The following DAB1 variants were observed in gnomAD, a reference collection of about 807,000 sequenced individuals.
DAB1 encodes the protein disabled homolog 1.
Under a neutral mutation model 64.6 loss-of-function variants are expected in DAB1, and 15 were observed. That is an observed-to-expected ratio of 0.23 (90% CI 0.16 to 0.36). The LOEUF (loss-of-function observed/expected upper bound fraction) is 0.36, where lower values mean the gene tolerates loss of function less well. DAB1 is among the 10% of genes least tolerant of loss of function. The probability of loss-of-function intolerance (pLI) is 1.00; values close to 1 mark genes in which losing one functional copy is unlikely to be tolerated. For missense variants in DAB1, 596 were observed against 706.7 expected (o/e 0.84, Z 1.78); for synonymous variants, 235 against 251.9 (o/e 0.93, Z 0.64).
At chr1:57,220,313 A>C (rs1381844122) in intron 2 of DAB1, among the ~76,000 whole-genome samples, 1 of 152,178 alleles carries the variant, frequency 6.6e-6, no homozygotes, top group African/African-American at 2.4e-5. Context: ...CTGAGCTAAA[A>C]TCATTCAGCT....
intron 4 of DAB1, among the ~76,000 whole-genome samples, chr1:58,155,059 G>C (rs1441085793): frequency 6.6e-6 from 1 of 152,162 alleles, no homozygotes; most frequent in Non-Finnish European, 1.5e-5. Context: ...ACTCAGCCAA[G>C]GGCTGGTGTC....
intron 1 of DAB1, chr1:57,873,849 A>ACAT (rs1643996468): frequency 6.6e-6 from 1 of 152,194 alleles, no homozygotes; most frequent in African/African-American, 2.4e-5. Flanking sequence ...TGTATATAAT[A>ACAT]GTATTTGCTA....
intron 1 of DAB1, among the ~76,000 whole-genome samples, chr1:57,422,313 C>T (rs79906980): frequency 0.11 from 16,751 of 152,206 alleles, 1,128 homozygotes; most frequent in Non-Finnish European, 0.16. Context: ...ATTCTCGCCC[C>T]GGTCCCCGCC....
At chr1:57,135,681 C>A (rs1474651888) in intron 4 of DAB1, among the ~76,000 whole-genome samples, 1 of 152,114 alleles carries the variant, frequency 6.6e-6, no homozygotes, top group East Asian at 1.9e-4. Context: ...CTTATGTTAT[C>A]TTCATACTAG....
At chr1:58,185,502 C>G (rs898909709) in intron 4 of DAB1, among the ~76,000 whole-genome samples, 3 of 152,204 alleles carry the variant, frequency 2.0e-5, no homozygotes. Flanking sequence ...GATTGGACAT[C>G]TGGGCTGGCT....
chr1:58,394,135 G>A (rs1259305012), intron 3 of DAB1, among the ~76,000 whole-genome samples: 3 of 149,562 alleles, frequency 2.0e-5, no homozygotes, highest in Non-Finnish European at 2.9e-5. Flanking sequence ...AATATCATTA[G>A]TCATAGAAGA....
At chr1:58,347,095 TTTTGTTTTG>T (rs760164591) in intron 3 of DAB1, among the ~76,000 whole-genome samples, 12 of 151,764 alleles carry the variant, frequency 7.9e-5, no homozygotes, top group Admixed American at 2.0e-4. Context: ...TTTTGTTTTG[TTTTGTTTTG>T]TTTGTTTGTT....
chr1:58,203,365 G>T (rs904077906), intron 4 of DAB1, among the ~76,000 whole-genome samples: 3 of 152,152 alleles, frequency 2.0e-5, no homozygotes, highest in African/African-American at 7.2e-5. Flanking sequence ...CCAAGACATA[G>T]ACAACACCCT....
intron 1 of DAB1, among the ~76,000 whole-genome samples, chr1:57,361,397 TCA>T (rs1558237751): frequency 6.6e-6 from 1 of 152,140 alleles, no homozygotes; most frequent in East Asian, 1.9e-4. Flanking sequence ...TCTCTACACT[TCA>T]GTTTCCTCAT....
intron 6 of DAB1, among the ~76,000 whole-genome samples, chr1:57,814,355 AAACAG>A (rs1190337955): frequency 2.0e-5 from 3 of 152,244 alleles, no homozygotes; most frequent in Admixed American, 2.0e-4. Flanking sequence ...ACTTGCAGGA[AAACAG>A]CAGCAGCAGG....
chr1:57,601,521 T>C (rs571569325), intron 7 of DAB1, among the ~76,000 whole-genome samples: 3 of 152,204 alleles, frequency 2.0e-5, no homozygotes, highest in African/African-American at 7.2e-5. Flanking sequence ...TGAGCTGAGA[T>C]TGCGCCTCCA....
intron 7 of DAB1, among the ~76,000 whole-genome samples, chr1:57,462,270 A>C (rs1686810318): frequency 6.6e-6 from 1 of 152,126 alleles, no homozygotes; most frequent in Non-Finnish European, 1.5e-5. Flanking sequence ...GTATAGTGTA[A>C]GTGTAAAAGG....
At chr1:58,530,638 G>GC in intron 1 of DAB1, 1 of 872,634 alleles carries the variant, frequency 1.1e-6, no homozygotes, top group Non-Finnish European at 2.0e-6. Context: ...GCACAAAAGT[G>GC]CCAAGCTATC....
intron 4 of DAB1, among the ~76,000 whole-genome samples, chr1:58,295,289 C>A (rs1199706886): frequency 1.3e-5 from 2 of 152,078 alleles, no homozygotes; most frequent in African/African-American, 4.8e-5. Context: ...GCCTTTTGTG[C>A]CTTTGTCATA....
chr1:58,392,391 C>T (rs1241828863), intron 3 of DAB1, among the ~76,000 whole-genome samples: 1 of 152,192 alleles, frequency 6.6e-6, no homozygotes, highest in Non-Finnish European at 1.5e-5. Flanking sequence ...TGTTCCGTCT[C>T]AGCGGGTTGA....
At chr1:58,074,238 A>G (rs1649452738) in intron 5 of DAB1, among the ~76,000 whole-genome samples, 1 of 152,068 alleles carries the variant, frequency 6.6e-6, no homozygotes, top group Non-Finnish European at 1.5e-5. Flanking sequence ...AGATGTTACT[A>G]GAATTGTACT....
intron 1 of DAB1, chr1:57,865,068 G>A (rs1654236303): frequency 6.6e-6 from 1 of 152,108 alleles, no homozygotes; most frequent in Admixed American, 6.6e-5. Flanking sequence ...TGGTGATTCA[G>A]GGAACCAGGC....
At chr1:57,463,739 GTT>G (rs1236942405) in intron 7 of DAB1, among the ~76,000 whole-genome samples, 1 of 152,090 alleles carries the variant, frequency 6.6e-6, no homozygotes, top group Non-Finnish European at 1.5e-5. Flanking sequence ...ATACTCTTCT[GTT>G]TTTTCCCATG....
intron 6 of DAB1, among the ~76,000 whole-genome samples, chr1:57,722,212 A>G (rs981543014): frequency 1.3e-5 from 2 of 152,214 alleles, no homozygotes; most frequent in African/African-American, 4.8e-5. Flanking sequence ...CACAGAGGTA[A>G]GTATACTATA....
Sources: gnomAD v4.1 joint callset for allele counts (sites outside exome capture counted in the v4.1 genomes callset) on GRCh38, gnomAD v4.1.1 for gene constraint, MANE v1.5 for transcripts, NCBI Gene and HGNC (gene_info 2026-07-23, HGNC 2026-07-21) for gene names.